KCND3: variants seen among roughly 807,000 people sequenced by gnomAD.
KCND3 encodes the protein A-type voltage-gated potassium channel KCND3.
Under a neutral mutation model 51.1 loss-of-function variants are expected in KCND3, and 9 were observed. The ratio of observed to expected loss-of-function variants is 0.18; its 90% confidence interval spans 0.11 to 0.31. The LOEUF (loss-of-function observed/expected upper bound fraction) is 0.31, where lower values mean the gene tolerates loss of function less well. KCND3 is among the 10% of genes least tolerant of loss of function. The probability of loss-of-function intolerance (pLI) is 1.00; values close to 1 mark genes in which losing one functional copy is unlikely to be tolerated. For missense variants in KCND3, 526 were observed against 903.8 expected (o/e 0.58, Z 5.36); for synonymous variants, 349 against 368.0 (o/e 0.95, Z 0.59).
At chr1:111,876,329 T>A (rs924197816) in intron 2 of KCND3, among the ~76,000 whole-genome samples, 3 of 151,374 alleles carry the variant, frequency 2.0e-5, no homozygotes, top group African/African-American at 7.3e-5. Context: ...ACAAACCCTG[T>A]GATGGGAGGC....
chr1:111,885,915 C>T (rs1192197675), intron 2 of KCND3, among the ~76,000 whole-genome samples: 3 of 152,176 alleles, frequency 2.0e-5, no homozygotes, highest in African/African-American at 4.8e-5. Flanking sequence ...TCGTGATCCA[C>T]CTGCCTCGGC....
intron 2 of KCND3, among the ~76,000 whole-genome samples, chr1:111,868,854 GC>G (rs1403911814): frequency 6.6e-6 from 1 of 152,100 alleles, no homozygotes; most frequent in Non-Finnish European, 1.5e-5. Flanking sequence ...TCCCATCTTA[GC>G]CTTCTCTGTC....
At chr1:111,865,866 A>AGCTAATT (rs1668537256) in intron 2 of KCND3, among the ~76,000 whole-genome samples, 1 of 151,982 alleles carries the variant, frequency 6.6e-6, no homozygotes, top group Non-Finnish European at 1.5e-5. Context: ...CATCATGCCC[A>AGCTAATT]GCTAATTTTT....
At chr1:111,928,352 G>A (rs1359508543) in intron 2 of KCND3, among the ~76,000 whole-genome samples, 1 of 152,140 alleles carries the variant, frequency 6.6e-6, no homozygotes, top group African/African-American at 2.4e-5. Context: ...CTCAGCTGAT[G>A]GGATACCTGC....
At chr1:111,791,402 T>C in intron 2 of KCND3, among the ~76,000 whole-genome samples, 1 of 152,208 alleles carries the variant, frequency 6.6e-6, no homozygotes, top group South Asian at 2.1e-4. Flanking sequence ...CCATGCTGTC[T>C]GCCATGGGGA....
intron 2 of KCND3, among the ~76,000 whole-genome samples, chr1:111,873,846 A>T (rs1668936223): frequency 6.6e-6 from 1 of 151,962 alleles, no homozygotes; most frequent in Non-Finnish European, 1.5e-5. Flanking sequence ...AGCCTGTGGT[A>T]CTCAAGATTC....
chr1:111,802,655 A>G (rs1665369936), intron 2 of KCND3, among the ~76,000 whole-genome samples: 1 of 152,218 alleles, frequency 6.6e-6, no homozygotes, highest in Admixed American at 6.5e-5. Context: ...GCTGCATGAG[A>G]GCAGGCCCGG....
intron 3 of KCND3, among the ~76,000 whole-genome samples, chr1:111,785,322 G>A (rs1240398352): frequency 1.3e-5 from 2 of 152,206 alleles, no homozygotes; most frequent in Admixed American, 1.3e-4. Context: ...ACAAATTTAG[G>A]CCCTATTCAA....
At chr1:111,828,524 G>A (rs919775072) in intron 2 of KCND3, among the ~76,000 whole-genome samples, 1 of 152,044 alleles carries the variant, frequency 6.6e-6, no homozygotes, top group African/African-American at 2.4e-5. Flanking sequence ...ACTGCTACCT[G>A]GACAAACCCT....
intron 2 of KCND3, among the ~76,000 whole-genome samples, chr1:111,901,791 C>T (rs1431329538): frequency 6.6e-6 from 1 of 152,136 alleles, no homozygotes; most frequent in Non-Finnish European, 1.5e-5. Context: ...TGTCCACAGG[C>T]ACCTCATTTT....
At chr1:111,857,457 G>T (rs868192494) in intron 2 of KCND3, among the ~76,000 whole-genome samples, 33 of 152,184 alleles carry the variant, frequency 2.2e-4, no homozygotes, top group African/African-American at 7.7e-4. Flanking sequence ...AGCTCCGAAG[G>T]CTTCTTTTGC....
Position 111,989,511 on chromosome 1 carries a change from C to G in KCND3, c.-79G>C, listed in dbSNP as rs1017653673. Reference sequence around the variant, plus strand: ...TCGGTCGCGTCCCTCTTACCTTCCGCGAAGCCAGCCCGGGCCCCGCGCCCG... The same window carrying G: ...TCGGTCGCGTCCCTCTTACCTTCCGGGAAGCCAGCCCGGGCCCCGCGCCCG... On this transcript the variant is annotated 5_prime_UTR_variant, in exon 1 of 8. Transcript: ENST00000302127. Among the ~76,000 whole-genome samples, 1 of 151,290 alleles carries G rather than the reference C, an allele frequency of 6.6e-6. No homozygotes were observed. Among genetic ancestry groups the G allele is most frequent in the African/African-American group, 2.4e-5 (1 of 41,322 alleles).
chr1:111,878,046 G>T (rs552037454), intron 2 of KCND3, among the ~76,000 whole-genome samples: 1 of 152,322 alleles, frequency 6.6e-6, no homozygotes, highest in African/African-American at 2.4e-5. Context: ...GGCACTGAAA[G>T]GTTAGGCAAC....
At chr1:111,968,738 C>T (rs868367672) in intron 2 of KCND3, among the ~76,000 whole-genome samples, 20 of 152,194 alleles carry the variant, frequency 1.3e-4, no homozygotes, top group African/African-American at 4.3e-4. Flanking sequence ...GACAGGCTCC[C>T]CCACCTGGTC....
chr1:111,786,991 G>T lies in KCND3; in HGVS notation c.1222C>A (p.Arg408=). The change falls in exon 3 of 8, where the codon CGG becomes AGG. Residue 408 remains arginine (R), a synonymous_variant. Transcript: ENST00000302127. ...PVPVIVSNFS[R]IYHQNQRADK... ...GCTCTCTGATTCTGGTGGTAAATCC[G>T]GCTAAAGTTGGAAACAATCACAGGG... is the stretch of plus-strand genomic sequence containing the variant. The T allele has an allele frequency of 6.2e-7, 1 of 1,614,136 alleles. No individual in the cohort carries two copies. The highest frequency in any genetic ancestry group is 8.5e-7 in the Non-Finnish European group (1 of 1,180,024).
chr1:111,867,636 G>A (rs1438407913), intron 2 of KCND3, among the ~76,000 whole-genome samples: 1 of 152,298 alleles, frequency 6.6e-6, no homozygotes, highest in South Asian at 2.1e-4. Flanking sequence ...TCTTGCTAAA[G>A]TGTTGATTTA....
At chr1:111,829,790 G>A (rs916529818) in intron 2 of KCND3, among the ~76,000 whole-genome samples, 5 of 152,092 alleles carry the variant, frequency 3.3e-5, no homozygotes, top group Non-Finnish European at 7.4e-5. Flanking sequence ...ACGTGTTGTT[G>A]CTAACAAAAT....
At chr1:111,989,084 G>C (rs1204830367) in intron 1 of KCND3, 1 of 152,278 alleles carries the variant, frequency 6.6e-6, no homozygotes, top group East Asian at 1.9e-4. Context: ...CACACCGCCG[G>C]CTCGCCGAGC....
intron 2 of KCND3, among the ~76,000 whole-genome samples, chr1:111,840,986 AATGATTC>A (rs1452074647): frequency 6.6e-6 from 1 of 152,204 alleles, no homozygotes; most frequent in Admixed American, 6.5e-5. Context: ...TCTTCATATC[AATGATTC>A]ATTCTTTTCT....
Sources: gnomAD v4.1 joint callset for allele counts (sites outside exome capture counted in the v4.1 genomes callset) on GRCh38, gnomAD v4.1.1 for gene constraint, MANE v1.5 for transcripts, NCBI Gene and HGNC (gene_info 2026-07-23, HGNC 2026-07-21) for gene names.